Variants in PTPRM observed in about 807,000 individuals in gnomAD.
PTPRM encodes the protein protein tyrosine phosphatase receptor type M, also known as receptor-type tyrosine-protein phosphatase mu.
A neutral mutation model predicts 186.7 loss-of-function variants in PTPRM; 47 were observed. That is an observed-to-expected ratio of 0.25 (90% CI 0.20 to 0.32). PTPRM has a LOEUF of 0.32. Among genes scored for constraint, PTPRM ranks in the 10% least tolerant of loss-of-function variants. PTPRM has a pLI of 1.00. For synonymous variants in PTPRM, 668 were observed against 674.9 expected (o/e 0.99, Z 0.16); for missense variants, 1,494 against 1,865.0 (o/e 0.80, Z 3.66).
intron 14 of PTPRM, among the ~76,000 whole-genome samples, chr18:8,236,852 A>T (rs1261007833): frequency 6.6e-6 from 1 of 152,164 alleles, no homozygotes; most frequent in Non-Finnish European, 1.5e-5. Context: ...CCTAACGGGT[A>T]TATTTAGACT....
At chr18:8,204,457 T>C (rs2093898624) in intron 14 of PTPRM, among the ~76,000 whole-genome samples, 1 of 152,072 alleles carries the variant, frequency 6.6e-6, no homozygotes, top group Non-Finnish European at 1.5e-5. Context: ...AAGATTCGTT[T>C]TGAAAGCACA....
intron 2 of PTPRM, among the ~76,000 whole-genome samples, chr18:7,837,727 G>A (rs1212211027): frequency 6.6e-6 from 1 of 152,188 alleles, no homozygotes; most frequent in Non-Finnish European, 1.5e-5. Flanking sequence ...ACAGGCATGA[G>A]CCACTGCACC....
chr18:8,350,621 A>G (rs1468303856), intron 23 of PTPRM, among the ~76,000 whole-genome samples: 1 of 152,186 alleles, frequency 6.6e-6, no homozygotes, highest in Non-Finnish European at 1.5e-5. Flanking sequence ...ATTAATTTTT[A>G]TAAACATTGG....
intron 19 of PTPRM, among the ~76,000 whole-genome samples, chr18:8,290,884 CTAGTGT>C (rs2095035296): frequency 6.6e-6 from 1 of 152,090 alleles, no homozygotes; most frequent in South Asian, 2.1e-4. Context: ...AAAAATACAT[CTAGTGT>C]TTTTTTCATA....
chr18:8,268,084 G>A (rs8085847), intron 19 of PTPRM, among the ~76,000 whole-genome samples: 2,093 of 152,154 alleles, frequency 0.014, 18 homozygotes, highest in Middle Eastern at 0.034. Flanking sequence ...CAAGGCCATG[G>A]GAAACATGGA....
At chr18:8,201,359 C>T (rs1165602995) in intron 14 of PTPRM, among the ~76,000 whole-genome samples, 5 of 152,146 alleles carry the variant, frequency 3.3e-5, no homozygotes, top group East Asian at 1.9e-4. Context: ...ATATAATCTT[C>T]GGTTTTACAT....
At chr18:7,605,426 C>T (rs559238218) in intron 1 of PTPRM, among the ~76,000 whole-genome samples, 7 of 151,722 alleles carry the variant, frequency 4.6e-5, no homozygotes, top group African/African-American at 1.7e-4. Context: ...ATGTCCCCCC[C>T]CCACTTCCGT....
At chr18:8,105,646 C>G (rs1047737605) in intron 11 of PTPRM, among the ~76,000 whole-genome samples, 6 of 152,144 alleles carry the variant, frequency 3.9e-5, no homozygotes, top group Non-Finnish European at 7.3e-5. Context: ...GAAGGATTCT[C>G]TGCATGGGAT....
At chr18:7,696,032 A>G (rs1488196729) in intron 1 of PTPRM, among the ~76,000 whole-genome samples, 1 of 152,194 alleles carries the variant, frequency 6.6e-6, no homozygotes, top group Non-Finnish European at 1.5e-5. Context: ...AATCCTTTTA[A>G]TGGTTAATGT....
intron 21 of PTPRM, among the ~76,000 whole-genome samples, chr18:8,318,893 T>C (rs1206448953): frequency 6.6e-6 from 1 of 152,380 alleles, no homozygotes; most frequent in East Asian, 1.9e-4. Context: ...ATGCTCATGT[T>C]ATTTCAGAGA....
At chr18:8,391,605 A>G (rs903230578) in intron 31 of PTPRM, among the ~76,000 whole-genome samples, 1 of 152,236 alleles carries the variant, frequency 6.6e-6, no homozygotes, top group African/African-American at 2.4e-5. Context: ...TTGTTGAGGA[A>G]GGAACGTGAG....
intron 1 of PTPRM, among the ~76,000 whole-genome samples, chr18:7,685,401 A>G (rs2039578970): frequency 6.6e-6 from 1 of 152,222 alleles, no homozygotes; most frequent in Admixed American, 6.5e-5. Context: ...ATTCTTAAAG[A>G]TGATAGTAAA....
chr18:8,177,426 C>T (rs1284524631), intron 14 of PTPRM, among the ~76,000 whole-genome samples: 2 of 152,218 alleles, frequency 1.3e-5, no homozygotes, highest in East Asian at 1.9e-4. Flanking sequence ...CTTCACAATG[C>T]GAGACAGAAG....
intron 22 of PTPRM, among the ~76,000 whole-genome samples, chr18:8,338,730 T>G (rs2095455470): frequency 6.6e-6 from 1 of 151,620 alleles, no homozygotes; most frequent in Non-Finnish European, 1.5e-5. Context: ...TGGGAAACAG[T>G]AAGTGTTTAA....
intron 7 of PTPRM, among the ~76,000 whole-genome samples, chr18:8,053,154 T>G (rs2087635690): frequency 6.6e-6 from 1 of 152,194 alleles, no homozygotes; most frequent in Non-Finnish European, 1.5e-5. Flanking sequence ...TCATTTGTCT[T>G]TATTGTGTTT....
intron 1 of PTPRM, among the ~76,000 whole-genome samples, chr18:7,753,476 T>C (rs895392073): frequency 3.9e-5 from 6 of 152,180 alleles, no homozygotes; most frequent in Non-Finnish European, 7.3e-5. Context: ...TCTTGAGAAA[T>C]CTTTTCTTTC....
chr18:8,027,775 T>C (rs1253321821), intron 7 of PTPRM, among the ~76,000 whole-genome samples: 5 of 152,196 alleles, frequency 3.3e-5, no homozygotes, highest in Admixed American at 3.3e-4. Context: ...AGAAAAACGA[T>C]TGACTAGATA....
At chr18:7,724,514 C>A (rs974787903) in intron 1 of PTPRM, among the ~76,000 whole-genome samples, 2 of 152,178 alleles carry the variant, frequency 1.3e-5, no homozygotes, top group Non-Finnish European at 1.5e-5. Context: ...GTTGCTGGTA[C>A]CCGGCATTAT....
intron 7 of PTPRM, among the ~76,000 whole-genome samples, chr18:8,031,943 A>T (rs776037582): frequency 6.6e-6 from 1 of 152,234 alleles, no homozygotes; most frequent in African/African-American, 2.4e-5. Flanking sequence ...AGTGACCATC[A>T]GTGTCTTACA....
Sources: gnomAD v4.1 joint callset for allele counts (sites outside exome capture counted in the v4.1 genomes callset) on GRCh38, gnomAD v4.1.1 for gene constraint, MANE v1.5 for transcripts, NCBI Gene and HGNC (gene_info 2026-07-23, HGNC 2026-07-21) for gene names.